Variants in ZFAT observed in about 807,000 individuals in gnomAD.
ZFAT encodes zinc finger and AT-hook domain containing.
Under a neutral mutation model 117.7 loss-of-function variants are expected in ZFAT, and 64 were observed. The observed-to-expected ratio is 0.54, with a 90% confidence interval of 0.44 to 0.67. The LOEUF (loss-of-function observed/expected upper bound fraction) is 0.67. Ranked by LOEUF, ZFAT falls within the 30% of genes least tolerant of loss-of-function variation. The pLI is 0.00. For missense variants in ZFAT, 1,433 were observed against 1,584.5 expected, an observed-to-expected ratio of 0.90 and a Z score of 1.62; for synonymous variants, 679 against 615.0, an observed-to-expected ratio of 1.10 and a Z score of -1.54.
intron 11 of ZFAT, among the ~76,000 whole-genome samples, chr8:134,549,436 G>A (rs11993438): frequency 0.028 from 3,211 of 113,956 alleles, 104 homozygotes; most frequent in African/African-American, 0.096. Context: ...GCGAGACTCC[G>A]TCTCAGAAAA....
At chr8:134,821,440 G>C in the ZFAT span, among the ~76,000 whole-genome samples, 1 of 151,934 alleles carries the variant, frequency 6.6e-6, no homozygotes, top group Non-Finnish European at 1.5e-5. Context: ...GAAGTAGTCA[G>C]TTCAGTTCTG....
At chr8:134,590,190 G>A in intron 8 of ZFAT, 78 bp downstream of exon 8, 1 of 1,116,524 alleles carries the variant, frequency 9.0e-7, no homozygotes, top group Non-Finnish European at 1.3e-6. Context: ...ATATAGTGCA[G>A]TTAATGTAAA....
the ZFAT span, among the ~76,000 whole-genome samples, chr8:134,814,633 T>G: frequency 6.6e-6 from 1 of 152,228 alleles, no homozygotes; most frequent in East Asian, 1.9e-4. Flanking sequence ...CAACTCTGTA[T>G]GTAAACAGAC....
chr8:134,508,642 C>T lies in ZFAT; in HGVS notation c.3492+977G>A, dbSNP rs142662041. 1.6e-3 allele frequency among the ~76,000 whole-genome samples: 242 copies of T among 152,350 alleles called. 1 individual carries two copies. The highest frequency in any genetic ancestry group is 2.1e-3 in the South Asian group (10 of 4,830). On this transcript the variant is annotated intron_variant, in intron 15 of 15. Coordinates refer to ENST00000377838, the MANE Select transcript of ZFAT (RefSeq NM_020863.4). ...TTACTTTTCTCCTGGCACTTGTTCA[C>T]CATCTGACATCCTTTATGTCATACT...
At chr8:134,832,331 T>A in the ZFAT span, among the ~76,000 whole-genome samples, 1 of 150,812 alleles carries the variant, frequency 6.6e-6, no homozygotes, top group Non-Finnish European at 1.5e-5. Context: ...CGCGTGTACA[T>A]GTCTCTGTGT....
chr8:134,587,794 CT>C (rs1826175577), intron 9 of ZFAT, among the ~76,000 whole-genome samples: 1 of 152,204 alleles, frequency 6.6e-6, no homozygotes, highest in Non-Finnish European at 1.5e-5. Flanking sequence ...TTCTGAATTC[CT>C]TCTCCATAGC....
intron 3 of ZFAT, among the ~76,000 whole-genome samples, chr8:134,612,415 A>G (rs951696335): frequency 6.6e-6 from 1 of 152,222 alleles, no homozygotes; most frequent in Non-Finnish European, 1.5e-5. Flanking sequence ...CAGTACCCCA[A>G]GTAATTGTAC....
At chr8:134,569,167 T>A (rs1004990857) in intron 10 of ZFAT, among the ~76,000 whole-genome samples, 2 of 152,118 alleles carry the variant, frequency 1.3e-5, no homozygotes, top group Non-Finnish European at 2.9e-5. Context: ...AATCTTACCA[T>A]GCACCAAAAA....
chr8:134,659,856 C>T (rs531869900), intron 1 of ZFAT, among the ~76,000 whole-genome samples: 1 of 152,328 alleles, frequency 6.6e-6, no homozygotes, highest in African/African-American at 2.4e-5. Context: ...CAAGCCCCTC[C>T]CTGGGTTCAC....
intron 1 of ZFAT, among the ~76,000 whole-genome samples, chr8:134,699,625 C>G (rs1833958653): frequency 6.6e-6 from 1 of 152,218 alleles, no homozygotes; most frequent in Non-Finnish European, 1.5e-5. Context: ...TGGGATTGGA[C>G]AGCCCAAAGC....
At chr8:134,664,779 A>G (rs1832126286) in intron 1 of ZFAT, among the ~76,000 whole-genome samples, 1 of 152,234 alleles carries the variant, frequency 6.6e-6, no homozygotes, top group South Asian at 2.1e-4. Flanking sequence ...ATATTCTCAT[A>G]ATTATGTTGT....
At chr8:134,499,223 G>A (rs1818747251) in intron 15 of ZFAT, among the ~76,000 whole-genome samples, 1 of 130,890 alleles carries the variant, frequency 7.6e-6, no homozygotes, top group Non-Finnish European at 1.6e-5. Context: ...GAGCTGGGAT[G>A]CCCCCGTTGC....
At chr8:134,729,476 C>A in the ZFAT span, among the ~76,000 whole-genome samples, 1 of 152,282 alleles carries the variant, frequency 6.6e-6, no homozygotes, top group East Asian at 1.9e-4. Context: ...GGACTACAGG[C>A]GCCTGCCACC....
At chr8:134,791,142 T>C in the ZFAT span, among the ~76,000 whole-genome samples, 1 of 152,222 alleles carries the variant, frequency 6.6e-6, no homozygotes, top group Non-Finnish European at 1.5e-5. Context: ...GTGCCTCACA[T>C]TTTTAAGCTA....
intron 1 of ZFAT, among the ~76,000 whole-genome samples, chr8:134,667,374 T>C (rs1383498347): frequency 2.6e-5 from 4 of 151,204 alleles, no homozygotes; most frequent in Non-Finnish European, 5.9e-5. Context: ...GCACCTGTAG[T>C]CCCAGCTACT....
chr8:134,542,783 G>T (rs747629173), intron 11 of ZFAT, among the ~76,000 whole-genome samples: 5 of 152,108 alleles, frequency 3.3e-5, no homozygotes, highest in Admixed American at 1.3e-4. Flanking sequence ...GCAGGGGAAG[G>T]AGAGCATGTA....
the ZFAT span, among the ~76,000 whole-genome samples, chr8:134,729,392 C>T: frequency 6.6e-6 from 1 of 152,206 alleles, no homozygotes; most frequent in Non-Finnish European, 1.5e-5. Flanking sequence ...AGTGCAGTGG[C>T]GTGATCTCAG....
the ZFAT span, among the ~76,000 whole-genome samples, chr8:134,735,724 A>G: frequency 0.098 from 14,908 of 152,244 alleles, 837 homozygotes; most frequent in Non-Finnish European, 0.14. Context: ...TAAATCACTC[A>G]TGAGGCCTCT....
intron 11 of ZFAT, among the ~76,000 whole-genome samples, chr8:134,551,342 G>A (rs1373838943): frequency 6.6e-6 from 1 of 152,210 alleles, no homozygotes; most frequent in Non-Finnish European, 1.5e-5. Flanking sequence ...ACCTGGTAGA[G>A]TTTTTCAGGG....
Sources: gnomAD v4.1 joint callset for allele counts (sites outside exome capture counted in the v4.1 genomes callset) on GRCh38, gnomAD v4.1.1 for gene constraint, MANE v1.5 for transcripts, NCBI Gene and HGNC (gene_info 2026-07-23, HGNC 2026-07-21) for gene names.